Variants in PTPRD observed in about 807,000 individuals in gnomAD.
PTPRD encodes receptor-type tyrosine-protein phosphatase delta.
A neutral mutation model predicts 214.5 loss-of-function variants in PTPRD; 34 were observed. The observed-to-expected ratio is 0.16, with a 90% CI of 0.12 to 0.21. The LOEUF is 0.21. Among genes scored for constraint, PTPRD ranks in the 10% least tolerant of loss-of-function variants. PTPRD has a pLI of 1.00. For missense variants in PTPRD, 2,545 were observed against 2,398.7 expected (o/e 1.06, Z -1.27); for synonymous variants, 1,128 against 845.7 (o/e 1.33, Z -5.79).
chr9:10,464,639 C>T (rs1208122109), intron 2 of PTPRD, among the ~76,000 whole-genome samples: 2 of 151,876 alleles, frequency 1.3e-5, no homozygotes, highest in Non-Finnish European at 2.9e-5. Flanking sequence ...AATAGAAATG[C>T]ATAAAGGTCC....
chr9:10,458,577 GC>G (rs2098934981), intron 2 of PTPRD, among the ~76,000 whole-genome samples: 1 of 152,140 alleles, frequency 6.6e-6, no homozygotes, highest in African/African-American at 2.4e-5. Context: ...AAAAAGCACA[GC>G]TAACATCATA....
chr9:8,932,713 C>A, intron 11 of PTPRD, among the ~76,000 whole-genome samples: 1 of 152,120 alleles, frequency 6.6e-6, no homozygotes, highest in South Asian at 2.1e-4. Flanking sequence ...AAGGTGGACC[C>A]CCCCTCCCCA....
At chr9:8,669,592 AAGG>A (rs756154247) in intron 12 of PTPRD, among the ~76,000 whole-genome samples, 13 of 152,152 alleles carry the variant, frequency 8.5e-5, no homozygotes, top group Non-Finnish European at 1.2e-4. Flanking sequence ...AAGTCACCTC[AAGG>A]AGAAGTCGTG....
At chr9:9,944,967 G>A (rs545342847) in intron 4 of PTPRD, among the ~76,000 whole-genome samples, 29 of 151,448 alleles carry the variant, frequency 1.9e-4, no homozygotes, top group Non-Finnish European at 3.8e-4. Context: ...GTCTAGAAAA[G>A]AGATGAATAT....
At chr9:8,660,827 T>A (rs2097028175) in intron 12 of PTPRD, among the ~76,000 whole-genome samples, 1 of 152,124 alleles carries the variant, frequency 6.6e-6, no homozygotes, top group Non-Finnish European at 1.5e-5. Context: ...ATTCCTTCCA[T>A]CAACTTACAG....
At chr9:9,169,795 G>A (rs1185848079) in intron 10 of PTPRD, among the ~76,000 whole-genome samples, 1 of 152,134 alleles carries the variant, frequency 6.6e-6, no homozygotes, top group Non-Finnish European at 1.5e-5. Flanking sequence ...GAGCATAGGT[G>A]TGCCCAATCC....
chr9:9,686,477 T>G (rs1231275945), intron 7 of PTPRD, among the ~76,000 whole-genome samples: 2 of 151,340 alleles, frequency 1.3e-5, no homozygotes, highest in African/African-American at 4.8e-5. Context: ...ATATTAATAA[T>G]TTATAGATCA....
chr9:9,266,465 A>G (rs1939722989), intron 9 of PTPRD, among the ~76,000 whole-genome samples: 1 of 151,418 alleles, frequency 6.6e-6, no homozygotes, highest in Admixed American at 6.6e-5. Context: ...CAAAGAACAC[A>G]TGGAACATTC....
chr9:9,879,638 G>A (rs1292123056), intron 5 of PTPRD, among the ~76,000 whole-genome samples: 1 of 152,102 alleles, frequency 6.6e-6, no homozygotes, highest in African/African-American at 2.4e-5. Flanking sequence ...GGAATATACT[G>A]ACTAAAATTG....
intron 2 of PTPRD, among the ~76,000 whole-genome samples, chr9:10,564,284 G>T (rs1375466449): frequency 7.0e-6 from 1 of 143,850 alleles, no homozygotes; most frequent in Non-Finnish European, 1.5e-5. Flanking sequence ...CAAATTGCTG[G>T]GATTACAGGC....
chr9:10,475,151 A>C (rs2099054564), intron 2 of PTPRD, among the ~76,000 whole-genome samples: 2 of 152,154 alleles, frequency 1.3e-5, no homozygotes, highest in East Asian at 1.9e-4. Context: ...GAATTGAAGG[A>C]GACAGAGACA....
intron 5 of PTPRD, among the ~76,000 whole-genome samples, chr9:9,878,433 T>G (rs2153731455): frequency 6.6e-6 from 1 of 152,190 alleles, no homozygotes; most frequent in South Asian, 2.1e-4. Context: ...CCTGCAAACT[T>G]GCAGAGAAGA....
At chr9:8,649,363 T>A (rs963770109) in intron 12 of PTPRD, among the ~76,000 whole-genome samples, 1 of 152,206 alleles carries the variant, frequency 6.6e-6, no homozygotes, top group African/African-American at 2.4e-5. Flanking sequence ...TACAAAAACA[T>A]AGACCATTTC....
At chr9:10,557,763 G>T (rs924809135) in intron 2 of PTPRD, among the ~76,000 whole-genome samples, 2 of 152,176 alleles carry the variant, frequency 1.3e-5, no homozygotes, top group African/African-American at 4.8e-5. Flanking sequence ...CTCGGGAAGG[G>T]CTAAGGAGGT....
intron 10 of PTPRD, among the ~76,000 whole-genome samples, chr9:9,039,639 C>G (rs543552062): frequency 1.4e-4 from 22 of 152,318 alleles, no homozygotes; most frequent in African/African-American, 5.3e-4. Context: ...TATTTACTAT[C>G]TGTCCCTTTA....
chr9:8,957,848 T>C (rs1365474751), intron 11 of PTPRD, among the ~76,000 whole-genome samples: 1 of 151,680 alleles, frequency 6.6e-6, no homozygotes, highest in East Asian at 1.9e-4. Context: ...GAATTATATT[T>C]ATGAGGACAT....
intron 44 of PTPRD, among the ~76,000 whole-genome samples, chr9:8,330,075 A>C (rs988269114): frequency 1.3e-5 from 2 of 152,098 alleles, no homozygotes; most frequent in Non-Finnish European, 2.9e-5. Context: ...TCTGGGCCAG[A>C]GTGTACTGTT....
intron 7 of PTPRD, among the ~76,000 whole-genome samples, chr9:9,693,717 GC>G (rs1310117990): frequency 6.6e-6 from 1 of 151,876 alleles, no homozygotes; most frequent in African/African-American, 2.4e-5. Context: ...TTTAATTAAG[GC>G]CACTCTTAGA....
At chr9:10,370,425 T>G (rs1174192200) in intron 2 of PTPRD, among the ~76,000 whole-genome samples, 1 of 152,090 alleles carries the variant, frequency 6.6e-6, no homozygotes, top group African/African-American at 2.4e-5. Context: ...CTATTTTTAG[T>G]GTAAGAATTC....
Sources: gnomAD v4.1 joint callset for allele counts (sites outside exome capture counted in the v4.1 genomes callset) on GRCh38, gnomAD v4.1.1 for gene constraint, MANE v1.5 for transcripts, NCBI Gene and HGNC (gene_info 2026-07-23, HGNC 2026-07-21) for gene names.